Variants in CYREN observed in about 807,000 individuals in gnomAD.
The protein encoded by CYREN is cell cycle regulator of NHEJ, also known as cell cycle regulator of non-homologous end joining.
A neutral mutation model predicts 9.7 loss-of-function variants in CYREN; 7 were observed. The ratio of observed to expected loss-of-function variants is 0.72; its 90% CI spans 0.41 to 1.36. The LOEUF is 1.36. CYREN is among the 40% of genes most tolerant of loss of function. The pLI, the probability that CYREN is intolerant of heterozygous loss-of-function variation, is 0.01. For synonymous variants in CYREN, 76 were observed against 77.9 expected, an observed-to-expected ratio of 0.98 and a Z score of 0.13; for missense variants, 215 against 198.1, an observed-to-expected ratio of 1.09 and a Z score of -0.51.
intron 2 of CYREN, among the ~76,000 whole-genome samples, chr7:135,096,338 G>GGAAA (rs1181617698): frequency 3.4e-5 from 5 of 146,130 alleles, no homozygotes; most frequent in East Asian, 2.0e-4. Context: ...AAGAAAAAGA[G>GGAAA]GAAAGAAAGA....
At chr7:135,115,565 A>T in intron 2 of CYREN, 2 of 1,551,386 alleles carry the variant, frequency 1.3e-6, no homozygotes, top group South Asian at 2.4e-5. Context: ...AACCACTCAG[A>T]TAAAACAGCT....
At chr7:135,120,693 A>G (rs1827015951) in intron 2 of CYREN, among the ~76,000 whole-genome samples, 1 of 152,258 alleles carries the variant, frequency 6.6e-6, no homozygotes, top group Non-Finnish European at 1.5e-5. Flanking sequence ...TGCAGTCACA[A>G]GAAACTCATT....
At chr7:135,144,938 TAAAAAAAAAAAAAAAAAAA>T (rs58443282) in intron 2 of CYREN, among the ~76,000 whole-genome samples, 2 of 45,618 alleles carry the variant, frequency 4.4e-5, no homozygotes, top group Admixed American at 3.5e-4. Context: ...CTCAAAAGAG[TAAAAAAAAAAAAAAAAAAA>T]AAAAAAAAAA....
At chr7:135,169,580 GC>G (rs1830497144) in intron 1 of CYREN, 1 of 152,202 alleles carries the variant, frequency 6.6e-6, no homozygotes, top group Non-Finnish European at 1.5e-5. Context: ...CAAACTTGAA[GC>G]AGCAATAGGG....
intron 2 of CYREN, among the ~76,000 whole-genome samples, chr7:135,121,878 C>T (rs1232303700): frequency 6.6e-6 from 1 of 152,198 alleles, no homozygotes; most frequent in Non-Finnish European, 1.5e-5. Context: ...GGAAACCGTG[C>T]TTTTTCCACA....
At chr7:135,125,052 G>C (rs1827675348) in intron 2 of CYREN, among the ~76,000 whole-genome samples, 1 of 151,954 alleles carries the variant, frequency 6.6e-6, no homozygotes, top group South Asian at 2.1e-4. Context: ...ACTAAGATTA[G>C]AGCAGAATTG....
chr7:135,168,074 G>C (rs1585374055), intron 2 of CYREN: 1 of 516,644 alleles, frequency 1.9e-6, no homozygotes, highest in Non-Finnish European at 3.5e-6. Context: ...GGGAAGGATG[G>C]CCGCCTCTGA....
exon 3 of CYREN, chr7:135,094,224 C>A: frequency 2.8e-6 from 1 of 362,936 alleles, no homozygotes; most frequent in South Asian, 2.1e-5. Flanking sequence ...GCTTGAAAGT[C>A]AACATTCCTG....
intron 2 of CYREN, among the ~76,000 whole-genome samples, chr7:135,109,349 G>A (rs1200284334): frequency 1.3e-5 from 2 of 152,202 alleles, no homozygotes; most frequent in Non-Finnish European, 2.9e-5. Flanking sequence ...CTCTCCCACT[G>A]AGAGCTCTGT....
At chr7:135,161,565 T>G (rs1459836104), downstream of CYREN, among the ~76,000 whole-genome samples, 1 of 152,190 alleles carries the variant, frequency 6.6e-6, no homozygotes, top group African/African-American at 2.4e-5. This position sits in a 1 kb window ranked among gnomAD's most constrained non-coding sequence, Gnocchi z 4.1. Flanking sequence ...TACAAACATT[T>G]ACTAAATAAG....
intron 2 of CYREN, chr7:135,134,975 CA>C: frequency 6.4e-7 from 1 of 1,551,154 alleles, no homozygotes; most frequent in Non-Finnish European, 8.7e-7. Context: ...CCCCACAGGT[CA>C]TTGGAAAGTT....
chr7:135,103,233 C>T (rs1255050676), intron 2 of CYREN, among the ~76,000 whole-genome samples: 1 of 152,136 alleles, frequency 6.6e-6, no homozygotes, highest in African/African-American at 2.4e-5. Context: ...TCTTCTAATG[C>T]TCTTGGTGGA....
At chr7:135,129,800 G>A (rs1828471672) in intron 2 of CYREN, 1 of 543,128 alleles carries the variant, frequency 1.8e-6, no homozygotes, top group Non-Finnish European at 3.4e-6. Context: ...CAGTCTTCCT[G>A]TGTAGAAGAT....
chr7:135,168,036 C>A (rs949713935), intron 2 of CYREN: 4 of 630,406 alleles, frequency 6.3e-6, no homozygotes, highest in African/African-American at 3.7e-5. Context: ...CCACCCTCCA[C>A]CAACTGCCCT....
chr7:135,114,794 A>G (rs1207660567), intron 2 of CYREN, among the ~76,000 whole-genome samples: 1 of 152,016 alleles, frequency 6.6e-6, no homozygotes, highest in East Asian at 1.9e-4. Flanking sequence ...AACCAGCACA[A>G]TCTTGTCCAA....
chr7:135,096,708 GGAAGAAAGAAAGA>G (rs1389387555), intron 2 of CYREN, among the ~76,000 whole-genome samples: 3 of 115,828 alleles, frequency 2.6e-5, no homozygotes, highest in Admixed American at 1.9e-4. Context: ...AGAAAAAGAG[GGAAGAAAGAAAGA>G]GAAGAAAGAA....
Position 135,100,195 on chromosome 7 carries a change from A to ATTT in CYREN, n.357-5614_357-5613insAAA, listed in dbSNP as rs1563264663. 19 of 139,844 alleles carry ATTT rather than the reference A, an allele frequency of 1.4e-4. No homozygotes were observed. The East Asian group carries it at 3.3e-3, about 25-fold the overall frequency. 8.7% of individuals were successfully genotyped at this position (139,844 alleles called of 1,614,324 possible). A position where few individuals can be genotyped will look rare whatever the true frequency, so the allele number is the denominator to read the frequency against. On this transcript the variant is annotated intron_variant and non_coding_transcript_variant, in intron 2 of 2. Coordinates refer to the CYREN transcript ENST00000459937. ...GCCACTGCACCCGAGTTTCTCTTTAAAAAAAAAAAAAACACTGGTGGCATA... is the reference window on the plus strand; with the variant it reads ...GCCACTGCACCCGAGTTTCTCTTTAATTTAAAAAAAAAAAACACTGGTGGCATA...
intron 2 of CYREN, among the ~76,000 whole-genome samples, chr7:135,112,609 T>C (rs1281642101): frequency 1.3e-5 from 2 of 152,212 alleles, no homozygotes; most frequent in Admixed American, 6.5e-5. Context: ...AGTATATGTA[T>C]GTAGTGAGTG....
chr7:135,105,043 T>A (rs1432012237), intron 2 of CYREN, among the ~76,000 whole-genome samples: 2 of 151,330 alleles, frequency 1.3e-5, no homozygotes, highest in South Asian at 2.1e-4. Context: ...CTTCCAGGGT[T>A]TTTATAGTTT....
Sources: allele counts gnomAD v4.1 joint callset (sites outside exome capture counted in the v4.1 genomes callset), GRCh38; gene constraint gnomAD v4.1.1; non-coding constraint Gnocchi (gnomAD v3.1); transcripts MANE v1.5; gene names NCBI Gene and HGNC (gene_info 2026-07-23, HGNC 2026-07-21).